AGER: variants seen among roughly 807,000 people sequenced by gnomAD.
The protein encoded by AGER is advanced glycation end product-specific receptor.
In AGER, 46 loss-of-function variants were observed where a neutral mutation model predicts 48.8. The ratio of observed to expected loss-of-function variants is 0.94; its 90% CI spans 0.74 to 1.20. AGER has a LOEUF of 1.20. Ranked by LOEUF, AGER falls within the 50% of genes most tolerant of loss-of-function variation. The pLI, the probability that AGER is intolerant of heterozygous loss-of-function variation, is 0.00. For synonymous variants in AGER, 170 were observed against 199.9 expected (o/e 0.85, Z 1.26); for missense variants, 489 against 515.0 (o/e 0.95, Z 0.49).
chr6:32,181,000 G>T lies in AGER; in HGVS notation c.*143C>A, dbSNP rs576561391. The T allele has an allele frequency of 3.3e-5, 27 of 806,232 alleles. No homozygotes were observed. Among genetic ancestry groups the T allele is most frequent in the African/African-American group, 6.8e-5 (4 of 58,410 alleles). 49.9% of individuals were successfully genotyped at this position (806,232 alleles called of 1,614,324 possible). ...GTGTCAGGTGTTTAATCATCATTGT[G>T]GGGGGCTCTGGTTGTAGAAGAAAGC... On this transcript the variant is annotated 3_prime_UTR_variant, in exon 11 of 11. Coordinates refer to ENST00000375076, the MANE Select transcript of AGER (RefSeq NM_001136.5).
At position 32,182,792 on chromosome 6, in the gene AGER, T is replaced by C. The variant is rs759214284; in HGVS notation, c.691+49A>G. 15 of 1,612,790 alleles carry C rather than the reference T, an allele frequency of 9.3e-6. No homozygotes were observed. The highest frequency in any genetic ancestry group is 1.2e-5 in the Non-Finnish European group (14 of 1,180,010). On this transcript the variant is annotated intron_variant, in intron 6 of 10. Transcript: ENST00000375076. This position sits in a 1 kb window ranked among gnomAD's most constrained non-coding sequence, Gnocchi z 5.1. ...CTCCCTCTTTCCCTAAGGGTCAGAC[T>C]TCCAGAACGTGCTCACGTGAGCTTG...
In AGER at chr6:32,182,733, C is replaced by T. The variant is rs1293685940; in HGVS notation, c.692-35G>A. 11 of 1,612,930 alleles carry T rather than the reference C, an allele frequency of 6.8e-6. No individual in the cohort carries two copies. The Admixed American group carries it at 8.3e-5, about 12-fold the overall frequency. On this transcript the variant is annotated intron_variant, in intron 6 of 10. Coordinates refer to ENST00000375076, the MANE Select transcript of AGER (RefSeq NM_001136.5). This position sits in a 1 kb window ranked among gnomAD's most constrained non-coding sequence, Gnocchi z 5.1. The stretch of plus-strand genomic sequence containing the variant: ...GGAAGGGTTTTGAGGTGGAGAGTTA[C>T]ACTTGTGAGTGATCCCAGTGGCCAT...
Position 32,183,028 on chromosome 6 carries a change from G to A in AGER, c.509-5C>T. The stretch of plus-strand genomic sequence containing the variant: ...TCTGTTCCTTCACAGATACTCCTAT[G>A]ATGGGAGGATAAGACAAATTATCCC... On this transcript the variant is annotated splice_region_variant and splice_polypyrimidine_tract_variant and intron_variant, in intron 5 of 10. Coordinates refer to ENST00000375076, the MANE Select transcript of AGER (RefSeq NM_001136.5). 1 of 1,613,114 alleles carries A rather than the reference G, an allele frequency of 6.2e-7. No homozygotes were observed. The highest frequency in any genetic ancestry group is 1.1e-5 in the South Asian group (1 of 91,088).
Position 32,181,698 on chromosome 6 carries a change from G to A in AGER, c.965-66C>T, listed in dbSNP as rs1786255135. 2 of 1,499,296 alleles carry A rather than the reference G, an allele frequency of 1.3e-6. No individual in the cohort carries two copies. Among genetic ancestry groups the A allele is most frequent in the Admixed American group, 3.7e-5 (2 of 54,432 alleles). The allele number at this position is 1,499,296 out of a possible 1,614,324, so 92.9% of individuals were successfully genotyped here. On this transcript the variant is annotated intron_variant, in intron 8 of 10. Coordinates refer to ENST00000375076, the MANE Select transcript of AGER (RefSeq NM_001136.5). This position sits in a 1 kb window ranked among gnomAD's most constrained non-coding sequence, Gnocchi z 4.1. ...GGGTTGAGAGAGGGTTATTTAGTGG[G>A]AGCCCCAGTGGAGTCTTTCCCTTTC...
chr6:32,182,905 G>C lies in AGER; in HGVS notation c.627C>G (p.Ser209Arg). 1 of 1,611,972 alleles carries C rather than the reference G, an allele frequency of 6.2e-7. No individual in the cohort carries two copies. Among genetic ancestry groups the C allele is most frequent in the Non-Finnish European group, 8.5e-7 (1 of 1,179,518 alleles). ...GGTGTCGGGGAAGGCCTGGGCTGAA[G>C]CTACAGGAGAAGGTGGGACGGGGAT... Reference protein sequence around the residue: ...GGDPRPTFSCSFSPGLPRHRA... With the variant: ...GGDPRPTFSCRFSPGLPRHRA... The change falls in exon 6 of 11, where the codon AGC becomes AGG. Residue 209 changes from serine to arginine, a missense_variant. Transcript: ENST00000375076. The surrounding 1 kb of genome is among the most constrained non-coding windows in gnomAD (Gnocchi z 5.1).
chr6:32,183,424 G>C, intron 3 of AGER, 36 bp from the exon 4 acceptor site: 1 of 1,609,996 alleles, frequency 6.2e-7, no homozygotes, highest in Non-Finnish European at 8.5e-7. Flanking sequence ...GGCTGTAATT[G>C]TGAAGGTTCT....
chr6:32,181,907 A>G lies in AGER; in HGVS notation c.965-275T>C. ...TGCCACCATGCCTGGCTAATTTTGT[A>G]TTTTTAGTAGAAATGGGGTTTCTCC... On this transcript the variant is annotated intron_variant, in intron 8 of 10. Transcript: ENST00000375076. The surrounding 1 kb of genome is among the most constrained non-coding windows in gnomAD (Gnocchi z 4.1). 2 of 597,154 alleles carry G rather than the reference A, an allele frequency of 3.3e-6. No homozygotes were observed. Among genetic ancestry groups the G allele is most frequent in the Non-Finnish European group, 5.9e-6 (2 of 337,876 alleles). 37.0% of individuals were successfully genotyped at this position (597,154 alleles called of 1,614,324 possible).
chr6:32,183,590 T>C lies in AGER; in HGVS notation c.320A>G (p.Lys107Arg), dbSNP rs754514021. Residue 107 changes from lysine (K) to arginine (R), a missense_variant, in exon 3 of 11, where the codon AAG becomes AGG. Lys to Arg is a conservative substitution (Grantham distance 26, BLOSUM62 2). Transcript: ENST00000375076. ...GACTCGGTAGTTGGACTTGGTCTCC[T>C]TTCCATTCCTGTTCATTGCCTGGCA... is the stretch of plus-strand genomic sequence containing the variant. Reference protein sequence around the residue: ...FRCQAMNRNGKETKSNYRVRV... With the variant: ...FRCQAMNRNGRETKSNYRVRV... 1 of 1,613,080 alleles carries C rather than the reference T, an allele frequency of 6.2e-7. No homozygotes were observed. The highest frequency in any genetic ancestry group is 8.5e-7 in the Non-Finnish European group (1 of 1,180,036).
At position 32,183,043 on chromosome 6, in the gene AGER, C is replaced by T. The variant is rs768800367; in HGVS notation, c.509-20G>A. 6.2e-7 allele frequency: 1 copy of T among 1,613,020 alleles called. No homozygotes were observed. The highest frequency in any genetic ancestry group is 1.1e-5 in the South Asian group (1 of 91,086). ...ATACTCCTATGATGGGAGGATAAGACAAATTATCCCAGGGTGGGTGTGGGA... is the reference window on the plus strand; with the variant it reads ...ATACTCCTATGATGGGAGGATAAGATAAATTATCCCAGGGTGGGTGTGGGA... On this transcript the variant is annotated intron_variant, in intron 5 of 10. Coordinates refer to ENST00000375076, the MANE Select transcript of AGER (RefSeq NM_001136.5).
At chr6:32,184,079 C>G (rs1786775957) in intron 1 of AGER, 92 bp from the exon 2 acceptor site, 1 of 1,607,224 alleles carries the variant, frequency 6.2e-7, no homozygotes. Flanking sequence ...AAGGCACTTC[C>G]TCGGGTTCTG....
chr6:32,181,617 C>T lies in AGER; in HGVS notation c.980G>A (p.Gly327Glu). ...ATCAAACCCCTCACCTGCAGTTGGC[C>T]CCTCCTCGCCTGGTTCTGGAAGACA... ...SISIIEPGEE[G>E]PTAGSVGGSG... Residue 327 changes from glycine to glutamate, a missense_variant, in exon 9 of 11, where the codon GGG becomes GAG. Physicochemically the swap from Gly to Glu is moderately conservative, Grantham distance 98 (BLOSUM62 -2). Transcript: ENST00000375076. This position sits in a 1 kb window ranked among gnomAD's most constrained non-coding sequence, Gnocchi z 4.1. 6.2e-7 allele frequency: 1 copy of T among 1,613,110 alleles called. No individual in the cohort carries two copies. The highest frequency in any genetic ancestry group is 1.1e-5 in the South Asian group (1 of 91,088).
In AGER at chr6:32,183,096, G is replaced by A. The variant is rs759199250; in HGVS notation, c.508+18C>T. The A allele has an allele frequency of 4.1e-5, 66 of 1,612,864 alleles. 1 individual carries two copies. Among genetic ancestry groups the A allele is most frequent in the Admixed American group, 1.8e-4 (11 of 59,998 alleles). ...GAGATCAGGGAGAAGGCAGCTTGGG[G>A]GGCACCTTAGGACTCACCCTTCTCA... On this transcript the variant is annotated intron_variant, in intron 5 of 10. Transcript: ENST00000375076.
At position 32,181,853 on chromosome 6, in the gene AGER, C is replaced by T. The variant is rs968743028; in HGVS notation, c.965-221G>A. Among the ~76,000 whole-genome samples the T allele has an allele frequency of 1.3e-5, 2 of 152,134 alleles. No homozygotes were observed. Among genetic ancestry groups the T allele is most frequent in the Admixed American group, 1.3e-4 (2 of 15,282 alleles). ...CTGCCTCAGCCTCTCAAGTAGCTGGCCTCCCAGGTAGCTGGGATTACAGGC... is the reference window on the plus strand; with the variant it reads ...CTGCCTCAGCCTCTCAAGTAGCTGGTCTCCCAGGTAGCTGGGATTACAGGC... On this transcript the variant is annotated intron_variant, in intron 8 of 10. Coordinates refer to ENST00000375076, the MANE Select transcript of AGER (RefSeq NM_001136.5). This position sits in a 1 kb window ranked among gnomAD's most constrained non-coding sequence, Gnocchi z 4.1.
At chr6:32,183,474 GGC>G in intron 3 of AGER, 79 bp downstream of exon 3, 2 of 1,606,120 alleles carry the variant, frequency 1.2e-6, no homozygotes, top group Non-Finnish European at 1.7e-6. Flanking sequence ...GGAAGTCAGA[GGC>G]CCTCATGGGC....
Position 32,181,880 on chromosome 6 carries a change from T to G in AGER, c.965-248A>C, listed in dbSNP as rs1786284012. 6.6e-6 allele frequency among the ~76,000 whole-genome samples: 1 copy of G among 152,178 alleles called. No individual in the cohort carries two copies. Among genetic ancestry groups the G allele is most frequent in the South Asian group, 2.1e-4 (1 of 4,832 alleles). On this transcript the variant is annotated intron_variant, in intron 8 of 10. Transcript: ENST00000375076. The surrounding 1 kb of genome is among the most constrained non-coding windows in gnomAD (Gnocchi z 4.1). ...TCCCAGGTAGCTGGGATTACAGGCA[T>G]GTGCCACCATGCCTGGCTAATTTTG...
At position 32,182,841 on chromosome 6, in the gene AGER, C is replaced by G; in HGVS notation, c.691G>C (p.Glu231Gln). Residue 231 changes from glutamate (E) to glutamine (Q), a missense_variant and splice_region_variant, in exon 6 of 11, where the codon GAG becomes CAG. Transcript: ENST00000375076. This position sits in a 1 kb window ranked among gnomAD's most constrained non-coding sequence, Gnocchi z 5.1. ...TGGGGCCCTCCCCACCTATGCTCAC[C>G]CCAGACACGGGGCTGGATGGGGGCT... Reference protein sequence around the residue: ...RTAPIQPRVWEPVPLEEVQLV... With the variant: ...RTAPIQPRVWQPVPLEEVQLV... The G allele has an allele frequency of 6.2e-7, 1 of 1,612,110 alleles. No individual in the cohort carries two copies. The highest frequency in any genetic ancestry group is 8.5e-7 in the Non-Finnish European group (1 of 1,179,708).
rs763725713 is a variant in AGER, at chr6:32,182,330, TGAGGCCCTATCTCAGG to T, written c.865_880del (p.Pro289ArgfsTer48). The T allele has an allele frequency of 1.6e-4, 255 of 1,612,380 alleles. No homozygotes were observed. Among genetic ancestry groups the T allele is most frequent in the Non-Finnish European group, 2.1e-4 (249 of 1,179,940 alleles). The stretch of plus-strand genomic sequence containing the variant: ...CACACAGCTGTAGGTTCCCTGGTCC[TGAGGCCCTATCTCAGG>T]GAGGATCAGCACAGGGCTGGGGGGA... On this transcript the variant is annotated frameshift_variant, in exon 8 of 11. Coordinates refer to ENST00000375076, the MANE Select transcript of AGER (RefSeq NM_001136.5). LOFTEE classifies it high-confidence loss of function. The surrounding 1 kb of genome is among the most constrained non-coding windows in gnomAD (Gnocchi z 5.1).
In AGER at chr6:32,182,753, G is replaced by A; in HGVS notation, c.692-55C>T. ...AGTTACACTTGTGAGTGATCCCAGT[G>A]GCCATGGGCTTGACTCCCTCTTTCC... On this transcript the variant is annotated intron_variant, in intron 6 of 10. Coordinates refer to ENST00000375076, the MANE Select transcript of AGER (RefSeq NM_001136.5). This position sits in a 1 kb window ranked among gnomAD's most constrained non-coding sequence, Gnocchi z 5.1. 1 of 1,612,896 alleles carries A rather than the reference G, an allele frequency of 6.2e-7. No individual in the cohort carries two copies. The highest frequency in any genetic ancestry group is 1.1e-5 in the South Asian group (1 of 91,080).
At position 32,181,284 on chromosome 6, in the gene AGER, C is replaced by G. The variant is rs1786152027; in HGVS notation, c.1119-45G>C. 1 of 1,613,734 alleles carries G rather than the reference C, an allele frequency of 6.2e-7. No individual in the cohort carries two copies. Among genetic ancestry groups the G allele is most frequent in the Non-Finnish European group, 8.5e-7 (1 of 1,179,998 alleles). On this transcript the variant is annotated intron_variant, in intron 10 of 10. Transcript: ENST00000375076. The surrounding 1 kb of genome is among the most constrained non-coding windows in gnomAD (Gnocchi z 4.1). ...GGAATGCGGCACGTTGTCGTTCCAC[C>G]CCCCGACCCCTCTTCGCTTGCTGCC...
Sources: allele counts gnomAD v4.1 joint callset (sites outside exome capture counted in the v4.1 genomes callset), GRCh38; gene constraint gnomAD v4.1.1; non-coding constraint Gnocchi (gnomAD v3.1); transcripts MANE v1.5; gene names NCBI Gene and HGNC (gene_info 2026-07-23, HGNC 2026-07-21).